NAGA: variants seen among roughly 807,000 people sequenced by gnomAD.
NAGA encodes the protein Acetylgalactosaminidase, alpha-N- (alpha-galactosidase B).
Under a neutral mutation model 45.6 loss-of-function variants are expected in NAGA, and 42 were observed. The observed-to-expected ratio is 0.92, with a 90% confidence interval of 0.72 to 1.19. The LOEUF is 1.19. NAGA is among the 50% of genes most tolerant of loss of function. NAGA has a pLI of 0.00. For synonymous variants in NAGA, 176 were observed against 203.1 expected (o/e 0.87, Z 1.13); for missense variants, 493 against 544.8 (o/e 0.90, Z 0.95).
chr22:42,070,637 C>A lies in NAGA; in HGVS notation c.-340G>T. The A allele has an allele frequency of 2.2e-6, 1 of 448,972 alleles. No individual in the cohort carries two copies. Among genetic ancestry groups the A allele is most frequent in the Non-Finnish European group, 4.1e-6 (1 of 243,054 alleles). 27.8% of individuals were successfully genotyped at this position (448,972 alleles called of 1,614,324 possible). A position where few individuals can be genotyped will look rare whatever the true frequency, so the allele number is the denominator to read the frequency against. On this transcript the variant is annotated 5_prime_UTR_variant, in exon 1 of 9. Coordinates refer to ENST00000396398, the MANE Select transcript of NAGA (RefSeq NM_000262.3). Reference sequence around the variant, plus strand: ...GGGCTCAGAAAAAGGCAGCCACTGGCTTAAGGTCACCAAGAAAGAGCGGAG... The same window carrying A: ...GGGCTCAGAAAAAGGCAGCCACTGGATTAAGGTCACCAAGAAAGAGCGGAG...
rs1734026454 is a variant in NAGA at position 42,067,629 on chromosome 22, C to T, written c.324+136G>A. On this transcript the variant is annotated intron_variant, in intron 3 of 8. Transcript: ENST00000396398. ...TCTGGCTCTCACTCAACAGAATAGG[C>T]CAAAAGTCGGTGTTCATTTGTCTGT... The T allele has an allele frequency of 5.2e-6, 4 of 772,038 alleles. No individual in the cohort carries two copies. The South Asian group carries it at 6.8e-5, about 13-fold the overall frequency. 47.8% of individuals were successfully genotyped at this position (772,038 alleles called of 1,614,324 possible). A position where few individuals can be genotyped will look rare whatever the true frequency, so the allele number is the denominator to read the frequency against.
rs1926222248 is a variant in NAGA, at chr22:42,059,203, T to G, written c.*1076A>C. 1 of 152,158 alleles carries G rather than the reference T, an allele frequency of 6.6e-6. No individual in the cohort carries two copies. Among genetic ancestry groups the G allele is most frequent in the Admixed American group, 6.6e-5 (1 of 15,266 alleles). The allele number at this position is 152,158 out of a possible 1,614,324, so 9.4% of individuals were successfully genotyped here. On this transcript the variant is annotated 3_prime_UTR_variant, in exon 9 of 9. Transcript: ENST00000396398. ...GGGGAGAGCCACCAGGGAAGACAAG[T>G]GCCCTGTAGCCTTGGCTAAAAGAGG...
At chr22:42,069,621 A>C (rs79370744) in intron 1 of NAGA, among the ~76,000 whole-genome samples, 1 of 27,284 alleles carries the variant, frequency 3.7e-5, no homozygotes, top group Non-Finnish European at 1.3e-4. Flanking sequence ...CTCCGTCTCA[A>C]AAAAAAAAAA....
Position 42,065,799 on chromosome 22 carries a change from A to G in NAGA, c.698T>C (p.Val233Ala). Residue 233 changes from valine (V) to alanine (A), a missense_variant, in exon 6 of 9, where the codon GTG (valine) becomes GCG (alanine). Coordinates refer to ENST00000396398, the MANE Select transcript of NAGA (RefSeq NM_000262.3). ...TGGCTGCAGTATGTCCTGGTGCTCCACGAACCAATTCAGGATGGAGAGCAC... is the reference window on the plus strand; with the variant it reads ...TGGCTGCAGTATGTCCTGGTGCTCCGCGAACCAATTCAGGATGGAGAGCAC... Reference protein sequence around the residue: ...WSVLSILNWFVEHQDILQPVA... With the variant: ...WSVLSILNWFAEHQDILQPVA... The G allele has an allele frequency of 6.2e-7, 1 of 1,614,070 alleles. No homozygotes were observed. The highest frequency in any genetic ancestry group is 8.5e-7 in the Non-Finnish European group (1 of 1,180,026).
intron 7 of NAGA, 78 bp downstream of exon 7, chr22:42,062,749 C>T: frequency 6.5e-7 from 1 of 1,531,308 alleles, no homozygotes; most frequent in Admixed American, 1.7e-5. Flanking sequence ...GGTGTTGCCC[C>T]CAGGGAGGCT....
In NAGA at chr22:42,060,172, C is replaced by T. The variant is rs531819016; in HGVS notation, c.*107G>A. 1.3e-4 allele frequency: 193 copies of T among 1,456,970 alleles called. No homozygotes were observed. In the African/African-American group the frequency reaches 2.1e-3, roughly 16 times the overall value. The allele number at this position is 1,456,970 out of a possible 1,614,324, so 90.3% of individuals were successfully genotyped here. A position where few individuals can be genotyped will look rare whatever the true frequency, so the allele number is the denominator to read the frequency against. ...CTTTGGGTATGATGGGGTCAGTCAC[C>T]GAGCAGGCCTGGGGAGCAGAGAACC... On this transcript the variant is annotated 3_prime_UTR_variant, in exon 9 of 9. Transcript: ENST00000396398.
In NAGA at chr22:42,060,965, AG is replaced by A; in HGVS notation, c.1059del (p.Ser354ProfsTer5). On this transcript the variant is annotated frameshift_variant, in exon 8 of 9. Transcript: ENST00000396398. LOFTEE classifies it low-confidence loss of function (END_TRUNC). ...CCGGTGAAGTTCAGCTGGCCAAGGG[AG>A]GAGTGGTAGCGATAAGGCATATCGG... ...CRTDMPYRYHSSLGQLNFTGS... is the reference protein window; with the variant it reads ...CRTDMPYRYHXSLGQLNFTGS... 1 of 1,614,176 alleles carries A rather than the reference AG, an allele frequency of 6.2e-7. No homozygotes were observed. Among genetic ancestry groups the A allele is most frequent in the Non-Finnish European group, 8.5e-7 (1 of 1,180,014 alleles).
At chr22:42,063,132 G>C in intron 6 of NAGA, 108 bp from the exon 7 acceptor site, 2 of 1,158,122 alleles carry the variant, frequency 1.7e-6, no homozygotes, top group South Asian at 2.6e-5. Context: ...ATTAGGGAAA[G>C]ATGGCTGTAT....
At chr22:42,061,289 C>T (rs1291561716) in intron 7 of NAGA, among the ~76,000 whole-genome samples, 2 of 152,222 alleles carry the variant, frequency 1.3e-5, no homozygotes, top group Admixed American at 6.5e-5. Context: ...TGAGCCCGGC[C>T]CCTATGCTAG....
At chr22:42,068,352 C>T (rs554643044) in intron 2 of NAGA, 87 bp downstream of exon 2, 371 of 1,604,122 alleles carry the variant, frequency 2.3e-4, no homozygotes, top group Admixed American at 8.2e-4. Flanking sequence ...TGACCTTGCC[C>T]TCTTTTCTAG....
In NAGA at chr22:42,060,292, A is replaced by T; in HGVS notation, c.1223T>A (p.Met408Lys). 1 of 1,613,466 alleles carries T rather than the reference A, an allele frequency of 6.2e-7. No individual in the cohort carries two copies. The highest frequency in any genetic ancestry group is 1.3e-5 in the African/African-American group (1 of 74,948). ...TGTCCCAGCTCCTCACTGCTGGGACATCTCCAGGTTCTTGATGGGATACAG... is the reference window on the plus strand; with the variant it reads ...TGTCCCAGCTCCTCACTGCTGGGACTTCTCCAGGTTCTTGATGGGATACAG... ...WYLYPIKNLE[M>K]SQQ Residue 408 changes from methionine (M) to lysine (K), a missense_variant, in exon 9 of 9, where the codon ATG becomes AAG. Physicochemically the swap from Met to Lys is moderately conservative, Grantham distance 95. Transcript: ENST00000396398.
chr22:42,064,581 G>C (rs1926612375), intron 6 of NAGA, among the ~76,000 whole-genome samples: 2 of 151,896 alleles, frequency 1.3e-5, no homozygotes, highest in African/African-American at 4.8e-5. Context: ...GGAGGTGGAG[G>C]TTGCAGTAAG....
At chr22:42,066,008 AGG>A in intron 5 of NAGA, 109 bp from the exon 6 acceptor site, 1 of 1,408,062 alleles carries the variant, frequency 7.1e-7, no homozygotes, top group Admixed American at 2.0e-5. Flanking sequence ...AGTGGGGAAG[AGG>A]GAAGAGAACA....
At chr22:42,063,075 A>G in intron 6 of NAGA, 51 bp from the exon 7 acceptor site, 4 of 1,565,038 alleles carry the variant, frequency 2.6e-6, no homozygotes, top group Non-Finnish European at 3.5e-6. Context: ...AAGGAGGTAG[A>G]CACAGGGACC....
rs749866358 is a variant in NAGA, at chr22:42,065,733, G to C, written c.759+5C>G. 6.2e-7 allele frequency: 1 copy of C among 1,613,716 alleles called. No individual in the cohort carries two copies. The highest frequency in any genetic ancestry group is 1.1e-5 in the South Asian group (1 of 91,040). ...GCCTAGGGACATCCCCCTCCATCCT[G>C]GTACCATGTCAGGGTCATTCCAGTG... On this transcript the variant is annotated splice_donor_5th_base_variant and intron_variant, in intron 6 of 8. Coordinates refer to ENST00000396398, the MANE Select transcript of NAGA (RefSeq NM_000262.3).
intron 3 of NAGA, 38 bp from the exon 4 acceptor site, chr22:42,067,328 C>T (rs1314074316): frequency 6.2e-7 from 1 of 1,612,034 alleles, no homozygotes; most frequent in Admixed American, 1.7e-5. Flanking sequence ...TCAAGCAGGA[C>T]CCTCAAGGAG....
At chr22:42,064,690 T>C (rs1926622449) in intron 6 of NAGA, among the ~76,000 whole-genome samples, 1 of 152,006 alleles carries the variant, frequency 6.6e-6, no homozygotes, top group Non-Finnish European at 1.5e-5. Context: ...ATGGGGGTGA[T>C]GGGGGTGGTA....
intron 1 of NAGA, among the ~76,000 whole-genome samples, chr22:42,069,104 T>C (rs892934664): frequency 3.3e-5 from 5 of 152,062 alleles, no homozygotes; most frequent in African/African-American, 1.2e-4. Context: ...TAGCCAGGCG[T>C]GGTGGCATGC....
At chr22:42,060,555 C>T in intron 8 of NAGA, 142 bp from the exon 9 acceptor site, 1 of 1,195,860 alleles carries the variant, frequency 8.4e-7, no homozygotes, top group South Asian at 1.3e-5. Context: ...AAGTGGGAGC[C>T]CTGAATCCCC....
Sources: allele counts gnomAD v4.1 joint callset (sites outside exome capture counted in the v4.1 genomes callset), GRCh38; gene constraint gnomAD v4.1.1; transcripts MANE v1.5; gene names NCBI Gene and HGNC (gene_info 2026-07-23, HGNC 2026-07-21).